SPON1: variants seen among roughly 807,000 people sequenced by gnomAD.
SPON1 encodes the protein spondin 1, also known as spondin-1.
SPON1 carries 52 observed loss-of-function variants against 111.7 expected under a neutral mutation model. The ratio of observed to expected loss-of-function variants is 0.47; its 90% CI spans 0.37 to 0.59. The LOEUF (loss-of-function observed/expected upper bound fraction) is 0.59, where lower values mean the gene tolerates loss of function less well. Ranked by LOEUF, SPON1 falls within the 20% of genes least tolerant of loss-of-function variation. SPON1 has a pLI of 0.00. For synonymous variants in SPON1, 410 were observed against 395.8 expected (o/e 1.04, Z -0.43); for missense variants, 957 against 1,068.5 (o/e 0.90, Z 1.46).
At chr11:14,205,014 C>T (rs782185123) in intron 6 of SPON1, among the ~76,000 whole-genome samples, 39 of 152,174 alleles carry the variant, frequency 2.6e-4, no homozygotes, top group Non-Finnish European at 5.6e-4. Flanking sequence ...ATCCTGTCTT[C>T]CTCTTAGACG....
At chr11:14,133,989 C>T (rs111366324) in intron 5 of SPON1, among the ~76,000 whole-genome samples, 20 of 151,480 alleles carry the variant, frequency 1.3e-4, no homozygotes, top group Middle Eastern at 3.4e-3. Flanking sequence ...CATGGGGAAG[C>T]GATGTGAGCT....
Position 14,125,301 on chromosome 11 carries a change from C to G in SPON1, c.677-10119C>G, listed in dbSNP as rs144984249. On this transcript the variant is annotated intron_variant, in intron 5 of 15. Transcript: ENST00000576479. ...CTTTTATGAATACAACTGGCAGGTCCACAATACTTTTCTGTTGGTCACTGG... is the reference window on the plus strand; with the variant it reads ...CTTTTATGAATACAACTGGCAGGTCGACAATACTTTTCTGTTGGTCACTGG... 3.4e-3 allele frequency among the ~76,000 whole-genome samples: 525 copies of G among 152,316 alleles called. 3 individuals carry two copies. Among genetic ancestry groups the G allele is most frequent in the African/African-American group, 0.012 (504 of 41,564 alleles).
At chr11:14,201,070 G>A (rs1287896609) in intron 6 of SPON1, among the ~76,000 whole-genome samples, 1 of 152,034 alleles carries the variant, frequency 6.6e-6, no homozygotes, top group Non-Finnish European at 1.5e-5. Context: ...GCCAGGTGCG[G>A]TGGCTCACAC....
chr11:14,079,760 C>G lies in SPON1; in HGVS notation c.554-139C>G, dbSNP rs912703691. 4.9e-6 allele frequency: 4 copies of G among 817,076 alleles called. No individual in the cohort carries two copies. In the African/African-American group the frequency reaches 6.9e-5, roughly 14 times the overall value. 50.6% of individuals were successfully genotyped at this position (817,076 alleles called of 1,614,324 possible). ...AATCCTTTATTGCCCAAGTACTGATCTGGCTCTAAGTCTTATTAACTAATG... is the reference window on the plus strand; with the variant it reads ...AATCCTTTATTGCCCAAGTACTGATGTGGCTCTAAGTCTTATTAACTAATG... On this transcript the variant is annotated intron_variant, in intron 4 of 15. Coordinates refer to ENST00000576479, the MANE Select transcript of SPON1 (RefSeq NM_006108.4).
chr11:14,080,013 A>G lies in SPON1; in HGVS notation c.668A>G (p.Asp223Gly). ...GNWSEKTHPKDYPRRANHWSA... is the reference protein window; with the variant it reads ...GNWSEKTHPKGYPRRANHWSA... ...TGGTCCGAGAAGACACACCCAAAGGATTACCCTCGTGAGTAGAGTGGCTAC... is the reference window on the plus strand; with the variant it reads ...TGGTCCGAGAAGACACACCCAAAGGGTTACCCTCGTGAGTAGAGTGGCTAC... Residue 223 changes from aspartate (D) to glycine (G), a missense_variant, in exon 5 of 16, where the codon GAT becomes GGT. Asp to Gly is a moderately conservative substitution (Grantham distance 94). Coordinates refer to ENST00000576479, the MANE Select transcript of SPON1 (RefSeq NM_006108.4). 2.5e-6 allele frequency: 4 copies of G among 1,613,940 alleles called. No homozygotes were observed. The highest frequency in any genetic ancestry group is 3.4e-6 in the Non-Finnish European group (4 of 1,179,892).
chr11:14,151,356 G>A (rs11023112), intron 6 of SPON1, among the ~76,000 whole-genome samples: 58,942 of 151,722 alleles, frequency 0.39, 11,631 homozygotes, highest in East Asian at 0.55. Flanking sequence ...GCAAAGAAAG[G>A]TGGAGTCCTT....
rs1554941694 is a variant in SPON1, at chr11:14,259,573, ACGAGTGCAG to A, written c.1706_1714del (p.Glu569_Ser571del). The A allele has an allele frequency of 6.4e-7, 1 of 1,553,462 alleles. No individual in the cohort carries two copies. The highest frequency in any genetic ancestry group is 1.2e-5 in the South Asian group (1 of 84,120). On this transcript the variant is annotated inframe_deletion, in exon 13 of 16. Transcript: ENST00000576479. This position sits in a 1 kb window ranked among gnomAD's most constrained non-coding sequence, Gnocchi z 5.0. ...CTGATGACCGAGTGGGGCGAGTGGG[ACGAGTGCAG>A]CGCCACCTGCGGCATGGGCATGAAG...
chr11:13,991,339 G>C (rs1848228538), intron 2 of SPON1, among the ~76,000 whole-genome samples: 1 of 152,040 alleles, frequency 6.6e-6, no homozygotes, highest in African/African-American at 2.4e-5. Context: ...TTTAATCACG[G>C]ATATCCTTTC....
chr11:14,037,317 A>G (rs1404250847), intron 2 of SPON1, among the ~76,000 whole-genome samples: 1 of 152,102 alleles, frequency 6.6e-6, no homozygotes. Context: ...TAAGGAGATA[A>G]TTGTTAGAGT....
intron 15 of SPON1, among the ~76,000 whole-genome samples, chr11:14,264,406 G>A (rs1849237409): frequency 1.3e-5 from 2 of 152,210 alleles, no homozygotes; most frequent in Non-Finnish European, 2.9e-5. Flanking sequence ...AGAGTTCCAG[G>A]ACTTCAGAAG....
At chr11:14,122,306 T>TG (rs1847399752) in intron 5 of SPON1, among the ~76,000 whole-genome samples, 1 of 152,178 alleles carries the variant, frequency 6.6e-6, no homozygotes, top group South Asian at 2.1e-4. Flanking sequence ...CCTGAGTAAC[T>TG]GGGACTACAG....
rs533216369 is a variant in SPON1 at position 14,015,468 on chromosome 11, C to G, written c.346-26053C>G. Among the ~76,000 whole-genome samples, 9 of 152,322 alleles carry G rather than the reference C, an allele frequency of 5.9e-5. No homozygotes were observed. In the South Asian group the frequency reaches 1.9e-3, roughly 32 times the overall value. On this transcript the variant is annotated intron_variant, in intron 2 of 15. Coordinates refer to ENST00000576479, the MANE Select transcript of SPON1 (RefSeq NM_006108.4). The stretch of plus-strand genomic sequence containing the variant: ...CTTAATCACCTCCTAAAGCCTCCAC[C>G]TCTTAATAGTATCACATTGATTATT...
chr11:14,260,218 AAAATGCATCCCT>A (rs1465217449), intron 13 of SPON1, among the ~76,000 whole-genome samples: 1 of 152,206 alleles, frequency 6.6e-6, no homozygotes, highest in Admixed American at 6.5e-5. Context: ...ACAATGTCCA[AAAATGCATCCCT>A]GAGCCTCTCC....
At chr11:14,238,046 T>G (rs1848886056) in intron 6 of SPON1, among the ~76,000 whole-genome samples, 1 of 152,206 alleles carries the variant, frequency 6.6e-6, no homozygotes, top group Non-Finnish European at 1.5e-5. Flanking sequence ...TTTCTGAGGA[T>G]TAAAACGTAT....
intron 8 of SPON1, 63 bp from the exon 9 acceptor site, chr11:14,255,584 A>C: frequency 6.5e-7 from 1 of 1,536,766 alleles, no homozygotes; most frequent in Non-Finnish European, 8.9e-7. Flanking sequence ...CATATAACAA[A>C]TGGCTTTTGT....
At chr11:14,096,627 GCCACCCTGTCTT>G (rs1447847875) in intron 5 of SPON1, among the ~76,000 whole-genome samples, 1 of 152,182 alleles carries the variant, frequency 6.6e-6, no homozygotes, top group East Asian at 1.9e-4. Flanking sequence ...CTTCTGCCCA[GCCACCCTGTCTT>G]CCAGCTTCAA....
chr11:14,065,758 T>C (rs1187816276), intron 3 of SPON1, among the ~76,000 whole-genome samples: 1 of 152,228 alleles, frequency 6.6e-6, no homozygotes, highest in Non-Finnish European at 1.5e-5. Flanking sequence ...GAGAAGCAGA[T>C]GAAAGCTATG....
intron 3 of SPON1, among the ~76,000 whole-genome samples, chr11:14,045,363 G>A (rs1198178402): frequency 6.6e-6 from 1 of 152,066 alleles, no homozygotes; most frequent in Non-Finnish European, 1.5e-5. Flanking sequence ...GATCGCCTGA[G>A]GTCGGGAGTT....
chr11:13,981,475 T>C (rs1342998729), intron 1 of SPON1, among the ~76,000 whole-genome samples: 3 of 152,158 alleles, frequency 2.0e-5, no homozygotes, highest in African/African-American at 7.2e-5. Flanking sequence ...TACAGGTGCC[T>C]ACCACCACGC....
Sources: allele counts gnomAD v4.1 joint callset (sites outside exome capture counted in the v4.1 genomes callset), GRCh38; gene constraint gnomAD v4.1.1; non-coding constraint Gnocchi (gnomAD v3.1); transcripts MANE v1.5; gene names NCBI Gene and HGNC (gene_info 2026-07-23, HGNC 2026-07-21).